SRPX: variants seen among roughly 807,000 people sequenced by gnomAD.
The protein encoded by SRPX is sushi repeat-containing protein SRPX.
Under a neutral mutation model 38.1 loss-of-function variants are expected in SRPX, and 24 were observed. The ratio of observed to expected loss-of-function variants is 0.63; its 90% confidence interval spans 0.46 to 0.89. The LOEUF (loss-of-function observed/expected upper bound fraction) is 0.89, where lower values mean the gene tolerates loss of function less well. Ranked by LOEUF, SRPX falls within the 40% of genes least tolerant of loss-of-function variation. The pLI, the probability that SRPX is intolerant of heterozygous loss-of-function variation, is 0.00. For missense variants in SRPX, 416 were observed against 377.8 expected (o/e 1.10, Z -0.84); for synonymous variants, 184 against 153.8 (o/e 1.20, Z -1.45).
In SRPX at chrX:38,149,519, A is replaced by T; in HGVS notation, c.*192T>A. The T allele has an allele frequency of 2.5e-6, 1 of 403,239 alleles. No individual in the cohort carries two copies. Among genetic ancestry groups the T allele is most frequent in the Non-Finnish European group, 4.1e-6 (1 of 243,008 alleles). The allele number at this position is 403,239 out of a possible 1,213,427, so 33.2% of individuals were successfully genotyped here. A position where few individuals can be genotyped will look rare whatever the true frequency, so the allele number is the denominator to read the frequency against. The stretch of plus-strand genomic sequence containing the variant: ...AAAGTTAGAAAGAGTAAATATGGTC[A>T]TATAATTTTTTGAAACACTTCCAAG... On this transcript the variant is annotated 3_prime_UTR_variant, in exon 10 of 10. Coordinates refer to ENST00000378533, the MANE Select transcript of SRPX (RefSeq NM_006307.5).
At chrX:38,166,936 G>A in intron 4 of SRPX, among the ~76,000 whole-genome samples, 1 of 111,679 alleles carries the variant, frequency 9.0e-6, no homozygotes, top group Non-Finnish European at 1.9e-5. Context: ...GTTTCCCAAA[G>A]CCAGCTTATC....
At chrX:38,213,285 A>T (rs1266591917) in intron 1 of SRPX, among the ~76,000 whole-genome samples, 1 of 112,217 alleles carries the variant, frequency 8.9e-6, no homozygotes, top group Non-Finnish European at 1.9e-5. Flanking sequence ...GGTTGTGGTG[A>T]TGAATGCACA....
intron 1 of SRPX, among the ~76,000 whole-genome samples, chrX:38,209,606 A>G (rs1336304977): frequency 8.9e-6 from 1 of 111,949 alleles, no homozygotes; most frequent in East Asian, 2.8e-4. Flanking sequence ...CACTCACTCA[A>G]ATGAAAGCCA....
chrX:38,172,425 C>A (rs905902940), intron 3 of SRPX, among the ~76,000 whole-genome samples: 5 of 113,009 alleles, frequency 4.4e-5, no homozygotes, highest in Non-Finnish European at 9.4e-5. Context: ...TGCGCTCCAG[C>A]CTGGGCAACA....
At position 38,178,320 on chromosome X, in the gene SRPX, T is replaced by C. The variant is rs377457124; in HGVS notation, c.122A>G (p.Asp41Gly). The change falls in exon 2 of 10, where the codon GAC becomes GGC. Residue 41 changes from aspartate to glycine, a missense_variant. By Grantham distance (94) the Asp-to-Gly change is moderately conservative. Transcript: ENST00000378533. ...AGGGTGTGAATACCCGACTTCATCG[T>C]CTTCTAGTGGTGAGTCTCCCGATCC... ...FPGSGDSPLEDDEVGYSHPRY... is the reference protein window; with the variant it reads ...FPGSGDSPLEGDEVGYSHPRY... 2 of 1,210,574 alleles carry C rather than the reference T, an allele frequency of 1.7e-6. No individual in the cohort carries two copies. The highest frequency in any genetic ancestry group is 4.6e-4 in the Middle Eastern group (2 of 4,350).
intron 1 of SRPX, among the ~76,000 whole-genome samples, chrX:38,179,176 C>T (rs930615253): frequency 9.0e-6 from 1 of 111,049 alleles, no homozygotes; most frequent in African/African-American, 3.3e-5. Flanking sequence ...GAACTCCCGA[C>T]CTCAGATGAT....
intron 1 of SRPX, among the ~76,000 whole-genome samples, chrX:38,189,117 C>T (rs1208220728): frequency 3.6e-5 from 4 of 111,595 alleles, no homozygotes; most frequent in African/African-American, 1.3e-4. Flanking sequence ...TGAAAAAGCC[C>T]TGGGATTAAG....
At position 38,159,999 on chromosome X, in the gene SRPX, G is replaced by C; in HGVS notation, c.955+18C>G. 8.3e-7 allele frequency: 1 copy of C among 1,203,437 alleles called. No individual in the cohort carries two copies. The highest frequency in any genetic ancestry group is 1.7e-5 in the African/African-American group (1 of 57,793). ...GGTTTACAGGTTCTGCTGCAGGCTG[G>C]AGGGGCGGCATACCTACCTGCACAG... On this transcript the variant is annotated intron_variant, in intron 7 of 9. Transcript: ENST00000378533.
At chrX:38,196,829 C>T (rs1884371420) in intron 1 of SRPX, among the ~76,000 whole-genome samples, 1 of 112,149 alleles carries the variant, frequency 8.9e-6, no homozygotes, top group Non-Finnish European at 1.9e-5. Flanking sequence ...AAACACAACC[C>T]AGGGACACGA....
Position 38,203,715 on chromosome X carries a change from G to C in SRPX, c.97+16981C>G, listed in dbSNP as rs1445785507. On this transcript the variant is annotated intron_variant, in intron 1 of 9. Coordinates refer to ENST00000378533, the MANE Select transcript of SRPX (RefSeq NM_006307.5). ...AATCACTTGAACCTGGGAGGTGGAG[G>C]TTGCAGTGTGCCGAGATTGTGCCAC... Among the ~76,000 whole-genome samples the C allele has an allele frequency of 4.5e-5, 5 of 112,240 alleles. No individual in the cohort carries two copies. In the Admixed American group the frequency reaches 4.7e-4, roughly 11 times the overall value.
At chrX:38,165,783 C>A (rs1483685003) in intron 4 of SRPX, among the ~76,000 whole-genome samples, 2 of 112,045 alleles carry the variant, frequency 1.8e-5, no homozygotes, top group Non-Finnish European at 3.8e-5. Flanking sequence ...TGCTACTGAA[C>A]TACACTTATG....
chrX:38,213,159 G>A (rs1465028085), intron 1 of SRPX, among the ~76,000 whole-genome samples: 2 of 112,071 alleles, frequency 1.8e-5, no homozygotes, highest in Non-Finnish European at 3.8e-5. Context: ...AAGGTCAATT[G>A]TAGGCAAATC....
chrX:38,151,029 T>C (rs1569201756), intron 9 of SRPX, among the ~76,000 whole-genome samples: 1 of 112,322 alleles, frequency 8.9e-6, no homozygotes, highest in East Asian at 2.8e-4. Flanking sequence ...AAATATGTTT[T>C]CCTCATACAA....
In SRPX at chrX:38,174,207, A is replaced by G; in HGVS notation, c.302T>C (p.Leu101Pro). 8.8e-7 allele frequency: 1 copy of G among 1,132,727 alleles called. No individual in the cohort carries two copies. Among genetic ancestry groups the G allele is most frequent in the African/African-American group, 1.8e-5 (1 of 54,508 alleles). The allele number at this position is 1,132,727 out of a possible 1,213,427, so 93.3% of individuals were successfully genotyped here. ...CCATCGTTTGTTTGACTGGCAGATC[A>G]GTAGGGAAGAGCCATGCAGCTCGTA... ...KGYELHGSSL[L>P]ICQSNKRWSD... The change falls in exon 3 of 10, where the codon CTG (leucine) becomes CCG (proline). Residue 101 changes from leucine (L) to proline (P), a missense_variant. Physicochemically the swap from Leu to Pro is moderately conservative, Grantham distance 98 (BLOSUM62 -3). Transcript: ENST00000378533.
intron 7 of SRPX, among the ~76,000 whole-genome samples, chrX:38,158,625 T>C (rs745806327): frequency 9.0e-6 from 1 of 111,237 alleles, no homozygotes; most frequent in Non-Finnish European, 1.9e-5. Context: ...ATAGCTCTGG[T>C]CAAGAGAAAT....
intron 1 of SRPX, among the ~76,000 whole-genome samples, chrX:38,187,071 T>C (rs989479460): frequency 1.8e-5 from 2 of 111,609 alleles, no homozygotes; most frequent in Non-Finnish European, 3.8e-5. Flanking sequence ...TTGCCATAAA[T>C]TAAATGGCAT....
chrX:38,154,806 T>G (rs1350608586), intron 8 of SRPX, among the ~76,000 whole-genome samples: 1 of 111,866 alleles, frequency 8.9e-6, no homozygotes, highest in East Asian at 2.8e-4. Context: ...ACAGTGGGAT[T>G]TTGAAAACCT....
At chrX:38,170,344 C>A (rs1248143019) in intron 4 of SRPX, among the ~76,000 whole-genome samples, 1 of 112,280 alleles carries the variant, frequency 8.9e-6, no homozygotes, top group Non-Finnish European at 1.9e-5. Flanking sequence ...GGACCCCCTA[C>A]CCCTGTCAAC....
intron 1 of SRPX, among the ~76,000 whole-genome samples, chrX:38,216,638 T>G (rs1044208001): frequency 8.9e-6 from 1 of 112,643 alleles, no homozygotes; most frequent in African/African-American, 3.2e-5. Flanking sequence ...GAAGCGAATC[T>G]CTAACCTGGG....
Sources: allele counts gnomAD v4.1 joint callset (sites outside exome capture counted in the v4.1 genomes callset), GRCh38; gene constraint gnomAD v4.1.1; transcripts MANE v1.5; gene names NCBI Gene and HGNC (gene_info 2026-07-23, HGNC 2026-07-21).